LRP1B: variants seen among roughly 807,000 people sequenced by gnomAD.
LRP1B encodes the protein low-density lipoprotein receptor-related protein 1B.
A neutral mutation model predicts 556.6 loss-of-function variants in LRP1B; 217 were observed. The observed-to-expected ratio is 0.39, with a 90% CI of 0.35 to 0.44. The LOEUF is 0.44. LRP1B is among the 20% of genes least tolerant of loss of function. LRP1B has a pLI of 1.00. For missense variants in LRP1B, 5,053 were observed against 5,620.8 expected (o/e 0.90, Z 3.23); for synonymous variants, 2,047 against 1,865.8 (o/e 1.10, Z -2.50).
At chr2:141,074,129 C>T (rs547353022) in intron 7 of LRP1B, among the ~76,000 whole-genome samples, 27 of 152,174 alleles carry the variant, frequency 1.8e-4, no homozygotes, top group Middle Eastern at 6.8e-3. Flanking sequence ...TTTCCTCACT[C>T]CTAACACCTT....
chr2:140,603,642 G>C (rs1052335401), intron 41 of LRP1B, among the ~76,000 whole-genome samples: 1 of 152,084 alleles, frequency 6.6e-6, no homozygotes, highest in Admixed American at 6.6e-5. Flanking sequence ...TGTGACAGAT[G>C]TTTCTTTTCT....
intron 3 of LRP1B, among the ~76,000 whole-genome samples, chr2:141,421,336 G>A (rs1272705038): frequency 6.6e-6 from 1 of 151,806 alleles, no homozygotes; most frequent in African/African-American, 2.4e-5. Context: ...AGACCATCCC[G>A]GCTAAAACGG....
At chr2:141,568,305 T>C (rs1261975783) in intron 2 of LRP1B, among the ~76,000 whole-genome samples, 3 of 150,998 alleles carry the variant, frequency 2.0e-5, no homozygotes, top group African/African-American at 7.3e-5. Context: ...ATTAAAAAAA[T>C]CACTATGCAT....
chr2:141,005,035 A>C (rs960647264), intron 15 of LRP1B, among the ~76,000 whole-genome samples: 5 of 151,986 alleles, frequency 3.3e-5, no homozygotes, highest in African/African-American at 1.2e-4. Context: ...ATCAACAACA[A>C]TGCATTTTTA....
At chr2:141,024,587 CAAT>C (rs1010396340) in intron 11 of LRP1B, among the ~76,000 whole-genome samples, 3 of 151,800 alleles carry the variant, frequency 2.0e-5, no homozygotes, top group Non-Finnish European at 1.5e-5. Context: ...TCATAGTTAC[CAAT>C]AATCTAAAAT....
intron 15 of LRP1B, 80 bp from the exon 16 acceptor site, chr2:140,994,215 T>C (rs1697176334): frequency 1.5e-6 from 2 of 1,326,236 alleles, no homozygotes; most frequent in East Asian, 2.3e-5. Flanking sequence ...GTAGAGTTTT[T>C]TGTTTGTTTT....
At chr2:141,635,410 G>A (rs1186475543) in intron 2 of LRP1B, among the ~76,000 whole-genome samples, 1 of 149,482 alleles carries the variant, frequency 6.7e-6, no homozygotes, top group African/African-American at 2.5e-5. Context: ...TGAGAGAAAT[G>A]GAGAAATACA....
At chr2:140,617,313 T>C (rs566279762) in intron 41 of LRP1B, among the ~76,000 whole-genome samples, 2 of 152,110 alleles carry the variant, frequency 1.3e-5, no homozygotes, top group African/African-American at 4.8e-5. Context: ...GTAACTGCAT[T>C]TTATGGAAAA....
intron 3 of LRP1B, among the ~76,000 whole-genome samples, chr2:141,312,343 T>G (rs1034569092): frequency 6.6e-6 from 1 of 152,232 alleles, no homozygotes; most frequent in Non-Finnish European, 1.5e-5. Flanking sequence ...TATTTTTTCT[T>G]AATTATGATT....
intron 1 of LRP1B, among the ~76,000 whole-genome samples, chr2:141,907,582 C>T (rs1484705288): frequency 6.6e-6 from 1 of 151,742 alleles, no homozygotes; most frequent in Admixed American, 6.6e-5. Context: ...GGAATTGGCA[C>T]GACCTTTAAT....
At chr2:141,242,439 G>A (rs531412534) in intron 5 of LRP1B, among the ~76,000 whole-genome samples, 2 of 151,844 alleles carry the variant, frequency 1.3e-5, no homozygotes, top group Non-Finnish European at 2.9e-5. Flanking sequence ...ATATGAAAAC[G>A]TTCCCTGACC....
At position 140,321,948 on chromosome 2, in the gene LRP1B, A is replaced by G. The variant is rs1246625175; in HGVS notation, c.12640+15T>C. On this transcript the variant is annotated intron_variant, in intron 82 of 90. Coordinates refer to ENST00000389484, the MANE Select transcript of LRP1B (RefSeq NM_018557.3). Reference sequence around the variant, plus strand: ...GGATTAATTCATTATTTACAGAATAATAAAGTATACCCACCTAACAGGCTG... The same window carrying G: ...GGATTAATTCATTATTTACAGAATAGTAAAGTATACCCACCTAACAGGCTG... 1 of 1,605,130 alleles carries G rather than the reference A, an allele frequency of 6.2e-7. No individual in the cohort carries two copies. The highest frequency in any genetic ancestry group is 8.5e-7 in the Non-Finnish European group (1 of 1,176,660).
intron 11 of LRP1B, among the ~76,000 whole-genome samples, chr2:141,021,836 T>C (rs951422019): frequency 6.6e-6 from 1 of 151,980 alleles, no homozygotes; most frequent in African/African-American, 2.4e-5. Context: ...ACCTATCTCA[T>C]AGGATGATTA....
At chr2:140,820,843 A>C (rs1691302744) in intron 31 of LRP1B, among the ~76,000 whole-genome samples, 1 of 150,954 alleles carries the variant, frequency 6.6e-6, no homozygotes, top group African/African-American at 2.4e-5. Flanking sequence ...ATCCTCTTTT[A>C]TGCCTTTTAT....
intron 1 of LRP1B, among the ~76,000 whole-genome samples, chr2:142,110,850 T>G (rs529782494): frequency 6.6e-6 from 1 of 152,298 alleles, no homozygotes; most frequent in East Asian, 1.9e-4. Context: ...CTTCACTAAT[T>G]TTGTTCCTGC....
chr2:140,974,668 T>C (rs1052886016), intron 18 of LRP1B, among the ~76,000 whole-genome samples: 3 of 152,070 alleles, frequency 2.0e-5, no homozygotes, highest in African/African-American at 7.2e-5. Context: ...AACAAAAGCA[T>C]GTAATAGTGA....
chr2:142,070,453 C>T (rs1443783474), intron 1 of LRP1B, among the ~76,000 whole-genome samples: 2 of 151,826 alleles, frequency 1.3e-5, no homozygotes, highest in South Asian at 4.1e-4. Flanking sequence ...CAAATCATGT[C>T]TTTCCTTCTC....
Position 141,477,176 on chromosome 2 carries a change from C to A in LRP1B, c.343+3220G>T, listed in dbSNP as rs13000968. Among the ~76,000 whole-genome samples, 1,279 of 151,270 alleles carry A rather than the reference C, an allele frequency of 8.5e-3. 5 individuals are homozygous for A. The highest frequency in any genetic ancestry group is 0.014 in the South Asian group (67 of 4,770). ...CCCAAAAAACAAACAAACAAAAAAA[C>A]CACATCCATTTTTTAATCATATCTT... is the stretch of plus-strand genomic sequence containing the variant. On this transcript the variant is annotated intron_variant, in intron 3 of 90. Transcript: ENST00000389484.
intron 7 of LRP1B, among the ~76,000 whole-genome samples, chr2:141,101,583 C>T (rs762792521): frequency 2.0e-5 from 3 of 152,044 alleles, no homozygotes; most frequent in Admixed American, 1.3e-4. Flanking sequence ...ATATCTTACT[C>T]AGGTGATACT....
Sources: allele counts gnomAD v4.1 joint callset (sites outside exome capture counted in the v4.1 genomes callset), GRCh38; gene constraint gnomAD v4.1.1; transcripts MANE v1.5; gene names NCBI Gene and HGNC (gene_info 2026-07-23, HGNC 2026-07-21).